ULK4: variants seen among roughly 807,000 people sequenced by gnomAD.
ULK4 encodes unc-51 like kinase 4.
In ULK4, 133 loss-of-function variants were observed where a neutral mutation model predicts 160.6. That is an observed-to-expected ratio of 0.83 (90% CI 0.72 to 0.96). The LOEUF is 0.96. ULK4 is among the 40% of genes least tolerant of loss of function. The pLI, the probability that ULK4 is intolerant of heterozygous loss-of-function variation, is 0.00. For synonymous variants in ULK4, 534 were observed against 539.8 expected, an observed-to-expected ratio of 0.99 and a Z score of 0.15; for missense variants, 1,580 against 1,499.5, an observed-to-expected ratio of 1.05 and a Z score of -0.89.
chr3:41,556,545 T>A (rs191010662), intron 32 of ULK4, among the ~76,000 whole-genome samples: 7 of 142,922 alleles, frequency 4.9e-5, no homozygotes, highest in Admixed American at 4.5e-4. Flanking sequence ...TGGAGTGCAG[T>A]GGCACAATAT....
At chr3:41,525,054 C>G (rs1325091885) in intron 32 of ULK4, among the ~76,000 whole-genome samples, 2 of 152,178 alleles carry the variant, frequency 1.3e-5, no homozygotes, top group African/African-American at 4.8e-5. Context: ...ATTCTGGAAG[C>G]TATAACAGGG....
rs1030229424 is a variant in ULK4 at position 41,341,059 on chromosome 3, A to T, written c.3678+57020T>A. Reference sequence around the variant, plus strand: ...CCATCTTCCTCAAATATCCAAATGGAAGTCCAGCTGTGTGCCATCTCACGG... The same window carrying T: ...CCATCTTCCTCAAATATCCAAATGGTAGTCCAGCTGTGTGCCATCTCACGG... On this transcript the variant is annotated intron_variant, in intron 35 of 36. Coordinates refer to ENST00000301831, the MANE Select transcript of ULK4 (RefSeq NM_017886.4). Among the ~76,000 whole-genome samples the T allele has an allele frequency of 4.6e-5, 7 of 152,208 alleles. No homozygotes were observed. The East Asian group carries it at 1.3e-3, about 29-fold the overall frequency.
chr3:41,365,090 A>G (rs1402241141), intron 35 of ULK4, among the ~76,000 whole-genome samples: 2 of 152,214 alleles, frequency 1.3e-5, no homozygotes, highest in Non-Finnish European at 2.9e-5. Context: ...TATCCCAGAG[A>G]TGGCAGTATT....
At chr3:41,473,661 C>CAAAAAAAAAAAAAAAAAAAAAA (rs1294599838) in intron 32 of ULK4, among the ~76,000 whole-genome samples, 1 of 25,296 alleles carries the variant, frequency 4.0e-5, no homozygotes, top group African/African-American at 1.8e-4. Context: ...GATTCTGTCT[C>CAAAAAAAAAAAAAAAAAAAAAA]AAAGAAAAAA....
chr3:41,504,156 T>C (rs2085302204), intron 32 of ULK4, among the ~76,000 whole-genome samples: 1 of 152,148 alleles, frequency 6.6e-6, no homozygotes, highest in African/African-American at 2.4e-5. Context: ...CTTCCTTCAC[T>C]TCTCTGCTCA....
chr3:41,257,831 C>T (rs1025078067), intron 35 of ULK4, among the ~76,000 whole-genome samples: 8 of 151,934 alleles, frequency 5.3e-5, no homozygotes, highest in South Asian at 2.1e-4. Flanking sequence ...ACAAGGAAGT[C>T]GTCATGCATT....
chr3:41,519,586 T>C (rs1309040581), intron 32 of ULK4, among the ~76,000 whole-genome samples: 4 of 152,212 alleles, frequency 2.6e-5, no homozygotes, highest in Non-Finnish European at 5.9e-5. Flanking sequence ...ATTTGAAGCA[T>C]ACATGAACAT....
At chr3:41,649,760 C>A (rs557240956) in intron 30 of ULK4, among the ~76,000 whole-genome samples, 3 of 152,346 alleles carry the variant, frequency 2.0e-5, no homozygotes, top group African/African-American at 7.2e-5. Flanking sequence ...ATGTTGATGG[C>A]AGAAGGCAGA....
chr3:41,824,974 G>A (rs1201832962), intron 18 of ULK4, among the ~76,000 whole-genome samples: 2 of 152,168 alleles, frequency 1.3e-5, no homozygotes, highest in East Asian at 3.9e-4. Context: ...AACTTCCAGA[G>A]GAACAATCGG....
chr3:41,280,235 T>C (rs1440440121), intron 35 of ULK4, among the ~76,000 whole-genome samples: 7 of 152,128 alleles, frequency 4.6e-5, no homozygotes, highest in Admixed American at 3.9e-4. Context: ...ACATTGTCAA[T>C]ATTAGACAGA....
intron 35 of ULK4, among the ~76,000 whole-genome samples, chr3:41,373,228 C>T (rs796258604): frequency 1.2e-4 from 18 of 152,106 alleles, no homozygotes; most frequent in African/African-American, 2.2e-4. Flanking sequence ...GGCAGATCAA[C>T]GAAACAGAAA....
At chr3:41,695,392 A>T (rs1206546028) in intron 27 of ULK4, among the ~76,000 whole-genome samples, 1 of 152,182 alleles carries the variant, frequency 6.6e-6, no homozygotes, top group Non-Finnish European at 1.5e-5. Flanking sequence ...CCATTTCCCA[A>T]TAAAGAAAAC....
At chr3:41,873,610 G>A (rs1026969500) in intron 17 of ULK4, among the ~76,000 whole-genome samples, 1 of 152,144 alleles carries the variant, frequency 6.6e-6, no homozygotes, top group Non-Finnish European at 1.5e-5. Flanking sequence ...CTAGAGCGCA[G>A]TTGTGCGATC....
chr3:41,888,559 A>T (rs1282279047), intron 16 of ULK4, among the ~76,000 whole-genome samples: 1 of 152,172 alleles, frequency 6.6e-6, no homozygotes, highest in Admixed American at 6.5e-5. Context: ...CTGCACAAGG[A>T]ACAATTGTGT....
chr3:41,584,021 T>C lies in ULK4; in HGVS notation c.3121-17891A>G, dbSNP rs73830270. Among the ~76,000 whole-genome samples the C allele has an allele frequency of 3.3e-3, 509 of 152,304 alleles. 3 individuals carry two copies. The highest frequency in any genetic ancestry group is 0.012 in the African/African-American group (486 of 41,570). The stretch of plus-strand genomic sequence containing the variant: ...TGTCATGATGAGAAGGCTAGAAGTC[T>C]AACTGAAATCACAATTCACTAATTA... On this transcript the variant is annotated intron_variant, in intron 31 of 36. Transcript: ENST00000301831.
At chr3:41,873,721 T>C (rs1434692947) in intron 17 of ULK4, among the ~76,000 whole-genome samples, 1 of 152,058 alleles carries the variant, frequency 6.6e-6, no homozygotes, top group Non-Finnish European at 1.5e-5. Context: ...GCCTAACTAA[T>C]TTTGTATTTT....
intron 22 of ULK4, among the ~76,000 whole-genome samples, chr3:41,733,925 C>T (rs1434533020): frequency 4.0e-5 from 6 of 151,784 alleles, no homozygotes; most frequent in South Asian, 2.1e-4. Flanking sequence ...TTAGTTGAGA[C>T]GGGGTTTCAC....
At position 41,846,939 on chromosome 3, in the gene ULK4, A is replaced by C. The variant is rs138241972; in HGVS notation, c.1657-10968T>G. Among the ~76,000 whole-genome samples the C allele has an allele frequency of 3.8e-4, 58 of 152,306 alleles. 2 individuals carry two copies. Among genetic ancestry groups the C allele is most frequent in the Admixed American group, 3.5e-3 (53 of 15,296 alleles). Reference sequence around the variant, plus strand: ...AATGGGTTTTTTGGTGTTATTTCTAATACCGTTATGCTTTGAGGCATATCT... The same window carrying C: ...AATGGGTTTTTTGGTGTTATTTCTACTACCGTTATGCTTTGAGGCATATCT... On this transcript the variant is annotated intron_variant, in intron 17 of 36. Transcript: ENST00000301831.
chr3:41,890,499 G>C (rs1170675749), intron 16 of ULK4, among the ~76,000 whole-genome samples: 1 of 151,744 alleles, frequency 6.6e-6, no homozygotes, highest in Non-Finnish European at 1.5e-5. Context: ...GGCCAACATG[G>C]TGAAAACCCA....
Sources: allele counts gnomAD v4.1 joint callset (sites outside exome capture counted in the v4.1 genomes callset), GRCh38; gene constraint gnomAD v4.1.1; transcripts MANE v1.5; gene names NCBI Gene and HGNC (gene_info 2026-07-23, HGNC 2026-07-21).